The following PLD5 variants were observed in gnomAD, a reference collection of about 807,000 sequenced individuals.
PLD5 encodes phospholipase D family member 5, also known as inactive phospholipase D5.
A neutral mutation model predicts 61.1 loss-of-function variants in PLD5; 36 were observed. The observed-to-expected ratio is 0.59, with a 90% CI of 0.45 to 0.78. The LOEUF is 0.78. PLD5 is among the 30% of genes least tolerant of loss of function. The pLI is 0.00. For synonymous variants in PLD5, 243 were observed against 242.8 expected (o/e 1.00, Z -0.01); for missense variants, 515 against 644.4 (o/e 0.80, Z 2.17).
Position 242,487,962 on chromosome 1 carries a change from A to G in PLD5, c.189+36126T>C, listed in dbSNP as rs573647943. 2.6e-5 allele frequency among the ~76,000 whole-genome samples: 4 copies of G among 152,182 alleles called. No individual in the cohort carries two copies. The South Asian group carries it at 8.3e-4, about 32-fold the overall frequency. The stretch of plus-strand genomic sequence containing the variant: ...CATCTTATATTTCATGACCTTGCTA[A>G]ATTTACTTAATAGTAGCTGTTTTTT... On this transcript the variant is annotated intron_variant, in intron 1 of 9. Transcript: ENST00000536534.
At chr1:242,339,362 C>G (rs915820530) in intron 2 of PLD5, among the ~76,000 whole-genome samples, 1 of 152,036 alleles carries the variant, frequency 6.6e-6, no homozygotes, top group Non-Finnish European at 1.5e-5. Context: ...CAATAAAAGA[C>G]CAAAGTTCCC....
chr1:242,120,567 A>G lies in PLD5; in HGVS notation c.933+3901T>C, dbSNP rs542234629. Among the ~76,000 whole-genome samples, 6 of 152,302 alleles carry G rather than the reference A, an allele frequency of 3.9e-5. No individual in the cohort carries two copies. In the South Asian group the frequency reaches 6.2e-4, roughly 16 times the overall value. ...GTTCTAAAGAGGAATGTGATGCAGG[A>G]TTTTTCCATAGCAGCATCAAGTTCT... On this transcript the variant is annotated intron_variant, in intron 6 of 9. Transcript: ENST00000536534.
chr1:242,443,176 C>T (rs191114250), intron 1 of PLD5, among the ~76,000 whole-genome samples: 2 of 152,070 alleles, frequency 1.3e-5, no homozygotes, highest in Admixed American at 1.3e-4. Flanking sequence ...TTTTCCCTAT[C>T]AGGTATTTTA....
intron 1 of PLD5, among the ~76,000 whole-genome samples, chr1:242,370,513 G>C (rs1009423746): frequency 1.3e-5 from 2 of 152,022 alleles, no homozygotes; most frequent in South Asian, 4.2e-4. Flanking sequence ...GCCAGGGGAG[G>C]GGGCATTAAT....
chr1:242,253,305 CTTTTTTTTTTTT>C (rs1181235404), intron 4 of PLD5, among the ~76,000 whole-genome samples: 1 of 70,698 alleles, frequency 1.4e-5, no homozygotes, highest in East Asian at 4.5e-4. Context: ...CCTCTCTTCA[CTTTTTTTTTTTT>C]TTTTTTTTTT....
chr1:242,450,321 A>C (rs1185787066), intron 1 of PLD5, among the ~76,000 whole-genome samples: 2 of 152,216 alleles, frequency 1.3e-5, no homozygotes, highest in Admixed American at 6.5e-5. Context: ...AAATTGCAGG[A>C]GGGCAGGTGC....
intron 5 of PLD5, among the ~76,000 whole-genome samples, chr1:242,151,926 C>A (rs758432236): frequency 2.0e-5 from 3 of 152,032 alleles, no homozygotes; most frequent in Admixed American, 6.6e-5. Context: ...ACTTTTTACC[C>A]AGTTTCTCCC....
chr1:242,314,576 C>T (rs1473121225), intron 2 of PLD5, among the ~76,000 whole-genome samples: 1 of 152,154 alleles, frequency 6.6e-6, no homozygotes, highest in African/African-American at 2.4e-5. Context: ...CCATGGCAGA[C>T]TAACTCTCTT....
chr1:242,084,683 G>A lies in PLD5; in HGVS notation c.*5171C>T, dbSNP rs891408385. 6.6e-6 allele frequency: 1 copy of A among 151,264 alleles called. No homozygotes were observed. Among genetic ancestry groups the A allele is most frequent in the African/African-American group, 2.4e-5 (1 of 41,106 alleles). The allele number at this position is 151,264 out of a possible 1,614,324, so 9.4% of individuals were successfully genotyped here. On this transcript the variant is annotated 3_prime_UTR_variant, in exon 10 of 10. Coordinates refer to ENST00000536534, the MANE Select transcript of PLD5 (RefSeq NM_001372062.1). ...GAGCAGACACTAGGTTCTCTAGTGG[G>A]GTCTCTATGATTGTTTCTTTTTCTC...
At chr1:242,340,233 CT>C (rs918829757) in intron 2 of PLD5, among the ~76,000 whole-genome samples, 2 of 152,080 alleles carry the variant, frequency 1.3e-5, no homozygotes, top group African/African-American at 4.8e-5. Flanking sequence ...TTCAGAGTTC[CT>C]CTGGGTTAGG....
chr1:242,378,629 C>A (rs1008412856), intron 1 of PLD5, among the ~76,000 whole-genome samples: 1 of 152,004 alleles, frequency 6.6e-6, no homozygotes, highest in Non-Finnish European at 1.5e-5. Flanking sequence ...TCACTTGAGG[C>A]CAAGTGTTCA....
At chr1:242,185,613 C>CTGTT (rs543311686) in intron 5 of PLD5, among the ~76,000 whole-genome samples, 1 of 152,164 alleles carries the variant, frequency 6.6e-6, no homozygotes, top group Non-Finnish European at 1.5e-5. Context: ...ACAAGGGAAA[C>CTGTT]TGTTTATTTG....
At chr1:242,478,706 A>G (rs1667675164) in intron 1 of PLD5, among the ~76,000 whole-genome samples, 1 of 152,234 alleles carries the variant, frequency 6.6e-6, no homozygotes, top group Non-Finnish European at 1.5e-5. Context: ...ACTGCTAGGC[A>G]TCGGGCAGAT....
rs1000822137 is a variant in PLD5 at position 242,107,582 on chromosome 1, C to T, written c.1239+89G>A. ...ATTGCCGTCCTGGTTCTTACTGGAA[C>T]TTTACACATAGGCGTATGCTTGCAG... On this transcript the variant is annotated intron_variant, in intron 8 of 9. Transcript: ENST00000536534. The T allele has an allele frequency of 2.4e-5, 30 of 1,269,154 alleles. 1 individual carries two copies. The South Asian group carries it at 5.4e-4, about 23-fold the overall frequency. 78.6% of individuals were successfully genotyped at this position (1,269,154 alleles called of 1,614,324 possible).
intron 5 of PLD5, among the ~76,000 whole-genome samples, chr1:242,189,295 A>G (rs1677375039): frequency 6.6e-6 from 1 of 151,876 alleles, no homozygotes; most frequent in South Asian, 2.1e-4. Context: ...AAATACAAAA[A>G]ATTAGCTGGG....
intron 2 of PLD5, among the ~76,000 whole-genome samples, chr1:242,318,684 TCTCA>T (rs1468609346): frequency 6.6e-6 from 1 of 151,948 alleles, no homozygotes; most frequent in Non-Finnish European, 1.5e-5. Flanking sequence ...ATATGGGGTC[TCTCA>T]CTATGTTGCC....
At chr1:242,361,718 T>A (rs1224410253) in intron 1 of PLD5, among the ~76,000 whole-genome samples, 2 of 152,178 alleles carry the variant, frequency 1.3e-5, no homozygotes, top group Non-Finnish European at 2.9e-5. Flanking sequence ...GAATGTCATA[T>A]CCTTAACAAA....
chr1:242,376,769 A>C (rs1232895287), intron 1 of PLD5, among the ~76,000 whole-genome samples: 2 of 152,232 alleles, frequency 1.3e-5, no homozygotes, highest in Admixed American at 1.3e-4. Flanking sequence ...GAGGATATAT[A>C]CGACGAGGTG....
chr1:242,419,209 C>T (rs912878142), intron 1 of PLD5, among the ~76,000 whole-genome samples: 2 of 151,950 alleles, frequency 1.3e-5, no homozygotes, highest in South Asian at 2.1e-4. Context: ...GCCTGGGTGG[C>T]GTGTTCTTAC....
Sources: gnomAD v4.1 joint callset for allele counts (sites outside exome capture counted in the v4.1 genomes callset) on GRCh38, gnomAD v4.1.1 for gene constraint, MANE v1.5 for transcripts, NCBI Gene and HGNC (gene_info 2026-07-23, HGNC 2026-07-21) for gene names.